The following ATE1 variants were observed in gnomAD, a reference collection of about 807,000 sequenced individuals.
ATE1 encodes arginyltransferase 1.
A neutral mutation model predicts 70.5 loss-of-function variants in ATE1; 36 were observed. That is an observed-to-expected ratio of 0.51 (90% CI 0.39 to 0.67). The LOEUF (loss-of-function observed/expected upper bound fraction) is 0.67, where lower values mean the gene tolerates loss of function less well. ATE1 is among the 30% of genes least tolerant of loss of function. ATE1 has a pLI of 0.00. For synonymous variants in ATE1, 232 were observed against 219.3 expected (o/e 1.06, Z -0.51); for missense variants, 593 against 629.5 (o/e 0.94, Z 0.62).
At chr10:121,891,997 G>A (rs1950595315) in intron 7 of ATE1, among the ~76,000 whole-genome samples, 1 of 152,140 alleles carries the variant, frequency 6.6e-6, no homozygotes, top group African/African-American at 2.4e-5. Flanking sequence ...AGAAAGAGAA[G>A]AAATGAACAC....
chr10:121,815,162 G>A (rs1219870498), intron 10 of ATE1, among the ~76,000 whole-genome samples: 1 of 152,232 alleles, frequency 6.6e-6, no homozygotes, highest in Non-Finnish European at 1.5e-5. Context: ...TTTTGAGACG[G>A]AGTCTCGCTG....
chr10:121,825,478 C>T (rs181598795), intron 10 of ATE1, among the ~76,000 whole-genome samples: 7 of 152,314 alleles, frequency 4.6e-5, no homozygotes, highest in African/African-American at 1.7e-4. Context: ...CCATTACCAA[C>T]CATGCTTGCC....
intron 10 of ATE1, among the ~76,000 whole-genome samples, chr10:121,801,629 TG>T (rs1323016681): frequency 6.6e-6 from 1 of 152,200 alleles, no homozygotes; most frequent in Non-Finnish European, 1.5e-5. Flanking sequence ...TATTCATATA[TG>T]TGTCTATATA....
chr10:121,880,564 T>C (rs1417288974), intron 7 of ATE1, among the ~76,000 whole-genome samples: 1 of 149,606 alleles, frequency 6.7e-6, no homozygotes, highest in Admixed American at 6.7e-5. Flanking sequence ...CACAAATATA[T>C]ATATACATAT....
At chr10:121,749,694 TAAAC>T (rs752871150) in intron 11 of ATE1, among the ~76,000 whole-genome samples, 1 of 152,138 alleles carries the variant, frequency 6.6e-6, no homozygotes, top group Non-Finnish European at 1.5e-5. Flanking sequence ...AACATAGAAA[TAAAC>T]AAAGCAGAGA....
chr10:121,751,705 T>G (rs1263582841), intron 11 of ATE1, among the ~76,000 whole-genome samples: 1 of 152,204 alleles, frequency 6.6e-6, no homozygotes, highest in Non-Finnish European at 1.5e-5. Flanking sequence ...GGTTACTAGA[T>G]CCTTATTGAA....
intron 8 of ATE1, among the ~76,000 whole-genome samples, chr10:121,864,901 T>C (rs768528022): frequency 6.6e-6 from 1 of 152,142 alleles, no homozygotes; most frequent in Non-Finnish European, 1.5e-5. Flanking sequence ...AAGCTTCCCA[T>C]AATGTGCAGG....
At chr10:121,807,649 A>C (rs1289278795) in intron 10 of ATE1, among the ~76,000 whole-genome samples, 3 of 152,198 alleles carry the variant, frequency 2.0e-5, no homozygotes, top group Non-Finnish European at 4.4e-5. Flanking sequence ...TTAGATGTTA[A>C]CTTATTGTAT....
intron 11 of ATE1, among the ~76,000 whole-genome samples, chr10:121,753,582 C>T (rs1258048463): frequency 6.6e-6 from 1 of 152,158 alleles, no homozygotes; most frequent in African/African-American, 2.4e-5. Context: ...AAAAAAATCA[C>T]ATCAACTTTA....
chr10:121,883,033 C>T (rs1415200213), intron 7 of ATE1, among the ~76,000 whole-genome samples: 1 of 152,174 alleles, frequency 6.6e-6, no homozygotes, highest in Non-Finnish European at 1.5e-5. Context: ...CCTCCTAATG[C>T]TTATATTCCC....
At chr10:121,776,724 G>C (rs1031354754) in intron 11 of ATE1, among the ~76,000 whole-genome samples, 9 of 152,260 alleles carry the variant, frequency 5.9e-5, no homozygotes, top group African/African-American at 2.2e-4. Context: ...TTTCAGCTGT[G>C]TAAGTGTGCA....
At chr10:121,803,721 A>G (rs1231600882) in intron 10 of ATE1, among the ~76,000 whole-genome samples, 1 of 152,172 alleles carries the variant, frequency 6.6e-6, no homozygotes, top group Non-Finnish European at 1.5e-5. Flanking sequence ...TGGAGCCATG[A>G]TTTTTTCCAG....
intron 3 of ATE1, among the ~76,000 whole-genome samples, 175 bp from the exon 4 acceptor site, chr10:121,914,068 GA>G (rs1268190133): frequency 6.6e-6 from 1 of 151,778 alleles, no homozygotes; most frequent in African/African-American, 2.4e-5. Flanking sequence ...ATAGTTAAGA[GA>G]TTTTTTTTTT....
At position 121,914,105 on chromosome 10, in the gene ATE1, C is replaced by T. The variant is rs184700543; in HGVS notation, c.234-212G>A. Among the ~76,000 whole-genome samples, 306 of 152,054 alleles carry T rather than the reference C, an allele frequency of 2.0e-3. 1 individual carries two copies. The highest frequency in any genetic ancestry group is 3.3e-3 in the Non-Finnish European group (226 of 67,974). On this transcript the variant is annotated intron_variant, in intron 3 of 11. Transcript: ENST00000224652. ...CTTTTGAGATAGAGTCTCACTCTGTCGCCCAGACTGGAGTACACTGGCACC... is the reference window on the plus strand; with the variant it reads ...CTTTTGAGATAGAGTCTCACTCTGTTGCCCAGACTGGAGTACACTGGCACC...
At chr10:121,798,979 T>C (rs1453977417) in intron 10 of ATE1, among the ~76,000 whole-genome samples, 1 of 151,686 alleles carries the variant, frequency 6.6e-6, no homozygotes, top group Non-Finnish European at 1.5e-5. Context: ...AAAATAGTAG[T>C]GATGAACTGA....
chr10:121,743,885 T>A lies in ATE1; in HGVS notation c.1379-27A>T, dbSNP rs1189899641. ...TGCAACGACAAAAAATACTGATTTG[T>A]AAAATGTCACATATCAAAACTTTTT... On this transcript the variant is annotated intron_variant, in intron 11 of 11. Transcript: ENST00000224652. 4.5e-6 allele frequency: 7 copies of A among 1,539,658 alleles called. No homozygotes were observed. The Admixed American group carries it at 1.5e-4, about 32-fold the overall frequency.
chr10:121,898,874 G>A, intron 7 of ATE1: 1 of 1,613,948 alleles, frequency 6.2e-7, no homozygotes, highest in South Asian at 1.1e-5. Context: ...GTGGATCCTG[G>A]TGTATGGCCA....
At chr10:121,750,611 C>A (rs1477123804) in intron 11 of ATE1, among the ~76,000 whole-genome samples, 1 of 134,584 alleles carries the variant, frequency 7.4e-6, no homozygotes, top group East Asian at 2.6e-4. Context: ...ATCTAGAGAT[C>A]AAAGCTTTAC....
At chr10:121,848,612 C>CAAA (rs148470774) in intron 8 of ATE1, among the ~76,000 whole-genome samples, 11 of 117,448 alleles carry the variant, frequency 9.4e-5, no homozygotes, top group African/African-American at 1.0e-4. Flanking sequence ...GAGTGAAACT[C>CAAA]AAAAAAAAAA....
Sources: gnomAD v4.1 joint callset for allele counts (sites outside exome capture counted in the v4.1 genomes callset) on GRCh38, gnomAD v4.1.1 for gene constraint, MANE v1.5 for transcripts, NCBI Gene and HGNC (gene_info 2026-07-23, HGNC 2026-07-21) for gene names.